Variants in SLC8A1 observed in about 807,000 individuals in gnomAD.
The protein encoded by SLC8A1 is solute carrier family 8 member A1.
A neutral mutation model predicts 68.3 loss-of-function variants in SLC8A1; 18 were observed. The observed-to-expected ratio is 0.26, with a 90% CI of 0.18 to 0.39. The LOEUF (loss-of-function observed/expected upper bound fraction) is 0.39, where lower values mean the gene tolerates loss of function less well. Ranked by LOEUF, SLC8A1 falls within the 10% of genes least tolerant of loss-of-function variation. The pLI, the probability that SLC8A1 is intolerant of heterozygous loss-of-function variation, is 1.00. For missense variants in SLC8A1, 985 were observed against 1,156.7 expected, an observed-to-expected ratio of 0.85 and a Z score of 2.15; for synonymous variants, 475 against 415.5, an observed-to-expected ratio of 1.14 and a Z score of -1.74.
chr2:40,337,112 CATG>C (rs1235967252), intron 2 of SLC8A1, among the ~76,000 whole-genome samples: 7 of 152,116 alleles, frequency 4.6e-5, no homozygotes, highest in African/African-American at 1.7e-4. Context: ...TACATATAAG[CATG>C]ATAATTGTGT....
intron 7 of SLC8A1, among the ~76,000 whole-genome samples, chr2:40,120,019 C>G (rs984100881): frequency 2.6e-5 from 4 of 152,234 alleles, no homozygotes; most frequent in African/African-American, 9.6e-5. Flanking sequence ...GGCCAATACT[C>G]TCCCTTTCCT....
chr2:40,381,955 C>A (rs1428319005), intron 2 of SLC8A1, among the ~76,000 whole-genome samples: 1 of 151,980 alleles, frequency 6.6e-6, no homozygotes. Flanking sequence ...TTTAGTCAGT[C>A]AGGAGGATGG....
chr2:40,287,744 G>T (rs150758723), intron 2 of SLC8A1, among the ~76,000 whole-genome samples: 1 of 151,818 alleles, frequency 6.6e-6, no homozygotes, highest in Non-Finnish European at 1.5e-5. Flanking sequence ...AACTGGCATG[G>T]GGCTCTGCAA....
At chr2:40,432,633 G>C (rs920752415) in intron 1 of SLC8A1, among the ~76,000 whole-genome samples, 3 of 151,864 alleles carry the variant, frequency 2.0e-5, no homozygotes, top group Admixed American at 6.6e-5. Flanking sequence ...AACCAATGTA[G>C]CAAGAGGGTA....
intron 2 of SLC8A1, among the ~76,000 whole-genome samples, chr2:40,267,170 AC>A (rs1278317349): frequency 6.6e-6 from 1 of 152,184 alleles, no homozygotes; most frequent in African/African-American, 2.4e-5. Flanking sequence ...AAACAAGAAA[AC>A]AAAGTAACAA....
rs575672339 is a variant in SLC8A1, at chr2:40,106,116, A to G, written c.*9137T>C. 2.6e-5 allele frequency: 4 copies of G among 152,362 alleles called. No homozygotes were observed. The East Asian group carries it at 7.7e-4, about 29-fold the overall frequency. The allele number at this position is 152,362 out of a possible 1,614,324, so 9.4% of individuals were successfully genotyped here. A position where few individuals can be genotyped will look rare whatever the true frequency, so the allele number is the denominator to read the frequency against. On this transcript the variant is annotated 3_prime_UTR_variant, in exon 8 of 8. Transcript: ENST00000406785. ...TCCCTTTGCTTTGTGTTTAAAGTTT[A>G]AACATTCAGTCCAAATTTTAAAGGT...
chr2:40,482,190 G>C (rs1324560146), intron 1 of SLC8A1, among the ~76,000 whole-genome samples: 1 of 152,062 alleles, frequency 6.6e-6, no homozygotes, highest in Non-Finnish European at 1.5e-5. Flanking sequence ...TTTTAAAAAC[G>C]AATGTCCCAG....
chr2:40,131,791 A>T (rs1418355810), intron 7 of SLC8A1, among the ~76,000 whole-genome samples: 1 of 150,068 alleles, frequency 6.7e-6, no homozygotes, highest in African/African-American at 2.5e-5. Context: ...GGAAGACCAA[A>T]TCTCTCTTTG....
intron 2 of SLC8A1, among the ~76,000 whole-genome samples, chr2:40,401,777 A>T (rs1688828414): frequency 6.6e-6 from 1 of 152,050 alleles, no homozygotes; most frequent in Non-Finnish European, 1.5e-5. Flanking sequence ...TTATATATTG[A>T]TCTTACATTT....
chr2:40,365,061 C>T (rs2149489130), intron 2 of SLC8A1, among the ~76,000 whole-genome samples: 1 of 152,174 alleles, frequency 6.6e-6, no homozygotes, highest in South Asian at 2.1e-4. Context: ...CCTGATGCCT[C>T]TCTGGGACTG....
intron 1 of SLC8A1, among the ~76,000 whole-genome samples, chr2:40,485,724 G>T (rs1464097821): frequency 6.6e-6 from 1 of 152,052 alleles, no homozygotes; most frequent in Admixed American, 6.5e-5. Context: ...CCACTTCAAA[G>T]AAATCCTCAA....
At chr2:40,305,628 T>C (rs1302061597) in intron 2 of SLC8A1, among the ~76,000 whole-genome samples, 2 of 152,180 alleles carry the variant, frequency 1.3e-5, no homozygotes, top group Admixed American at 1.3e-4. Flanking sequence ...AAATGCACTG[T>C]GATGTCCCCA....
intron 2 of SLC8A1, among the ~76,000 whole-genome samples, chr2:40,357,345 T>A (rs1234508707): frequency 1.3e-5 from 2 of 150,922 alleles, no homozygotes; most frequent in East Asian, 2.0e-4. Context: ...TTTTTTTTTT[T>A]AATTAGCCAA....
At chr2:40,407,220 C>A (rs1331646048) in intron 2 of SLC8A1, among the ~76,000 whole-genome samples, 3 of 152,070 alleles carry the variant, frequency 2.0e-5, no homozygotes, top group African/African-American at 7.2e-5. Context: ...TGCCCACCAC[C>A]GGGCATGGCT....
chr2:40,493,253 C>G (rs960300064), intron 1 of SLC8A1, among the ~76,000 whole-genome samples: 5 of 150,168 alleles, frequency 3.3e-5, no homozygotes, highest in Non-Finnish European at 1.5e-5. Flanking sequence ...GAACAAAAAA[C>G]CAAACACCGC....
chr2:40,167,252 G>C (rs1052687607), intron 4 of SLC8A1, among the ~76,000 whole-genome samples: 1 of 152,106 alleles, frequency 6.6e-6, no homozygotes, highest in African/African-American at 2.4e-5. Flanking sequence ...CTAGTATCTC[G>C]ACTTTTGTAC....
chr2:40,451,498 G>C (rs1307761448), intron 1 of SLC8A1, among the ~76,000 whole-genome samples: 1 of 152,140 alleles, frequency 6.6e-6, no homozygotes, highest in Non-Finnish European at 1.5e-5. Context: ...TCCAGTGGGT[G>C]GGGACGCCTG....
In SLC8A1 at chr2:40,115,744, C is replaced by A. The variant is rs575515901; in HGVS notation, c.2438-115G>T. The stretch of plus-strand genomic sequence containing the variant: ...CAACCCTTAATATAAACCCAGTGAC[C>A]AAGAAATGGCTTTGATGTTCCTCTG... On this transcript the variant is annotated intron_variant, in intron 7 of 7. Transcript: ENST00000406785. 6 of 1,346,796 alleles carry A rather than the reference C, an allele frequency of 4.5e-6. No individual in the cohort carries two copies. In the East Asian group the frequency reaches 1.4e-4, roughly 31 times the overall value. 83.4% of individuals were successfully genotyped at this position (1,346,796 alleles called of 1,614,324 possible). A position where few individuals can be genotyped will look rare whatever the true frequency, so the allele number is the denominator to read the frequency against.
chr2:40,306,929 C>CT (rs1456732075), intron 2 of SLC8A1, among the ~76,000 whole-genome samples: 1 of 152,090 alleles, frequency 6.6e-6, no homozygotes, highest in Non-Finnish European at 1.5e-5. Context: ...AAGAGTATCA[C>CT]TGCATTTACT....
Sources: allele counts gnomAD v4.1 joint callset (sites outside exome capture counted in the v4.1 genomes callset), GRCh38; gene constraint gnomAD v4.1.1; transcripts MANE v1.5; gene names NCBI Gene and HGNC (gene_info 2026-07-23, HGNC 2026-07-21).